Variants in PDE1C observed in about 807,000 individuals in gnomAD.
The protein encoded by PDE1C is phosphodiesterase 1C.
Under a neutral mutation model 93.1 loss-of-function variants are expected in PDE1C, and 62 were observed. That is an observed-to-expected ratio of 0.67 (90% CI 0.54 to 0.82). PDE1C has a LOEUF of 0.82. Among genes scored for constraint, PDE1C ranks in the 40% least tolerant of loss-of-function variants. The pLI, the probability that PDE1C is intolerant of heterozygous loss-of-function variation, is 0.00. For missense variants in PDE1C, 742 were observed against 884.6 expected (o/e 0.84, Z 2.04); for synonymous variants, 325 against 310.1 (o/e 1.05, Z -0.50).
chr7:32,181,651 T>A (rs1406449363), intron 2 of PDE1C, among the ~76,000 whole-genome samples: 2 of 151,098 alleles, frequency 1.3e-5, no homozygotes, highest in Admixed American at 1.3e-4. Flanking sequence ...TTCAAAGCAG[T>A]GTGTAGAGGG....
chr7:32,335,495 C>T (rs182954884), intron 1 of PDE1C, among the ~76,000 whole-genome samples: 1 of 152,262 alleles, frequency 6.6e-6, no homozygotes, highest in East Asian at 1.9e-4. Context: ...ATTCTGGAGA[C>T]TAGAAGTTCA....
chr7:31,839,183 C>A (rs1055017078), intron 9 of PDE1C, among the ~76,000 whole-genome samples: 1 of 147,776 alleles, frequency 6.8e-6, no homozygotes, highest in African/African-American at 2.5e-5. Flanking sequence ...CATACATATA[C>A]GTATGTATAC....
the PDE1C span, chr7:31,643,798 C>A: frequency 6.2e-7 from 1 of 1,613,840 alleles, no homozygotes; most frequent in Non-Finnish European, 8.5e-7. Context: ...CATCTGCTGT[C>A]ATCACCACCC....
At chr7:31,778,138 C>A (rs894143989) in intron 16 of PDE1C, among the ~76,000 whole-genome samples, 3 of 152,142 alleles carry the variant, frequency 2.0e-5, no homozygotes, top group Non-Finnish European at 2.9e-5. Flanking sequence ...CTTGGACACT[C>A]CGGGGTGAAA....
intron 2 of PDE1C, among the ~76,000 whole-genome samples, chr7:32,015,141 G>T (rs1787713164): frequency 6.6e-6 from 1 of 152,048 alleles, no homozygotes; most frequent in South Asian, 2.1e-4. Flanking sequence ...CACCATGATT[G>T]TAAGTTTCCT....
At chr7:31,728,259 G>C in the PDE1C span, among the ~76,000 whole-genome samples, 1 of 152,094 alleles carries the variant, frequency 6.6e-6, no homozygotes, top group Non-Finnish European at 1.5e-5. Flanking sequence ...ACTAATCCTA[G>C]AACCTGTGGG....
At chr7:31,875,344 TAG>T (rs548379541) in intron 5 of PDE1C, among the ~76,000 whole-genome samples, 70 of 152,174 alleles carry the variant, frequency 4.6e-4, no homozygotes, top group African/African-American at 1.6e-3. Flanking sequence ...GATGAGCAAA[TAG>T]AGACAGTGAG....
chr7:32,013,455 T>C (rs112308209), intron 2 of PDE1C, among the ~76,000 whole-genome samples: 2,417 of 152,336 alleles, frequency 0.016, 72 homozygotes, highest in African/African-American at 0.055. Context: ...GGGTTATTTA[T>C]AACTTGACAC....
chr7:32,228,609 G>A (rs75088609), intron 1 of PDE1C, among the ~76,000 whole-genome samples: 3,424 of 152,216 alleles, frequency 0.022, 133 homozygotes, highest in African/African-American at 0.076. Context: ...CCTCAGAAAG[G>A]GGCCTCAAAG....
At chr7:32,074,955 T>C (rs576702159), upstream of PDE1C, among the ~76,000 whole-genome samples, 1 of 152,174 alleles carries the variant, frequency 6.6e-6, no homozygotes, top group Non-Finnish European at 1.5e-5. Context: ...CTCCTATAGA[T>C]GTCAGGGAGC....
At chr7:31,809,793 G>A (rs1169371838) in intron 15 of PDE1C, among the ~76,000 whole-genome samples, 3 of 152,002 alleles carry the variant, frequency 2.0e-5, no homozygotes, top group Non-Finnish European at 4.4e-5. Context: ...AAACCATAAC[G>A]TTTGGGGTTA....
chr7:32,171,310 C>T (rs963518692), intron 2 of PDE1C, among the ~76,000 whole-genome samples: 15 of 151,900 alleles, frequency 9.9e-5, no homozygotes, highest in Admixed American at 3.3e-4. Context: ...ACACCTGACC[C>T]GTGCTCTTCA....
chr7:32,385,737 G>A (rs1298270432), intron 1 of PDE1C, among the ~76,000 whole-genome samples: 1 of 152,168 alleles, frequency 6.6e-6, no homozygotes, highest in East Asian at 1.9e-4. Flanking sequence ...CATGTCCAGG[G>A]GAACCAGAGA....
chr7:32,000,387 G>C (rs1288386722), intron 2 of PDE1C, among the ~76,000 whole-genome samples: 1 of 152,160 alleles, frequency 6.6e-6, no homozygotes, highest in Non-Finnish European at 1.5e-5. Context: ...GAAACAAGAT[G>C]GTTGGGGGAA....
chr7:31,630,182 G>A, the PDE1C span, among the ~76,000 whole-genome samples: 1,089 of 121,918 alleles, frequency 8.9e-3, 15 homozygotes, highest in African/African-American at 0.032. Flanking sequence ...CATAGTATTT[G>A]TTATATGAGT....
At chr7:31,660,041 T>C in the PDE1C span, among the ~76,000 whole-genome samples, 2 of 152,104 alleles carry the variant, frequency 1.3e-5, no homozygotes. Flanking sequence ...TAAGGTGCAT[T>C]TCCCCCTTTT....
chr7:32,172,281 C>A (rs1168512959), intron 2 of PDE1C, among the ~76,000 whole-genome samples: 2 of 151,764 alleles, frequency 1.3e-5, no homozygotes, highest in Non-Finnish European at 2.9e-5. Flanking sequence ...AACATTTTTG[C>A]AATCTACTCA....
intron 1 of PDE1C, among the ~76,000 whole-genome samples, chr7:32,220,957 C>G (rs1175619063): frequency 6.6e-6 from 1 of 152,204 alleles, no homozygotes; most frequent in African/African-American, 2.4e-5. Context: ...CTTCTGGAGG[C>G]AGGAAGCAGT....
At chr7:32,118,979 G>A (rs1799139872) in intron 3 of PDE1C, among the ~76,000 whole-genome samples, 1 of 152,168 alleles carries the variant, frequency 6.6e-6, no homozygotes, top group African/African-American at 2.4e-5. Context: ...GGTAGAGGCA[G>A]TATCAAGCCA....
Sources: allele counts gnomAD v4.1 joint callset (sites outside exome capture counted in the v4.1 genomes callset), GRCh38; gene constraint gnomAD v4.1.1; transcripts MANE v1.5; gene names NCBI Gene and HGNC (gene_info 2026-07-23, HGNC 2026-07-21).